Variants in NEDD8 observed in about 807,000 individuals in gnomAD.
NEDD8 encodes the protein NEDD8 ubiquitin like modifier.
NEDD8 carries 1 observed loss-of-function variant against 13.8 expected under a neutral mutation model. The ratio of observed to expected loss-of-function variants is 0.07; its 90% confidence interval spans 0.03 to 0.34. The LOEUF (loss-of-function observed/expected upper bound fraction) is 0.34, where lower values mean the gene tolerates loss of function less well. NEDD8 is among the 10% of genes least tolerant of loss of function. The probability of loss-of-function intolerance (pLI) is 0.99; values close to 1 mark genes in which losing one functional copy is unlikely to be tolerated. For synonymous variants in NEDD8, 31 were observed against 33.2 expected, an observed-to-expected ratio of 0.93 and a Z score of 0.23; for missense variants, 10 against 95.2, an observed-to-expected ratio of 0.10 and a Z score of 3.73.
chr14:24,220,702 A>G (rs2039792553), intron 1 of NEDD8, among the ~76,000 whole-genome samples: 1 of 152,240 alleles, frequency 6.6e-6, no homozygotes, highest in Non-Finnish European at 1.5e-5. Flanking sequence ...TTTATGAGAT[A>G]TGGACTATTA....
At chr14:24,228,953 AG>A (rs1346441921) in intron 1 of NEDD8, among the ~76,000 whole-genome samples, 2 of 152,156 alleles carry the variant, frequency 1.3e-5, no homozygotes, top group Non-Finnish European at 2.9e-5. Flanking sequence ...TGAAGGCAGA[AG>A]GGTGTTGCAG....
intron 1 of NEDD8, among the ~76,000 whole-genome samples, chr14:24,231,187 A>C (rs1004842805): frequency 2.0e-5 from 3 of 152,070 alleles, no homozygotes; most frequent in African/African-American, 4.8e-5. Context: ...CACCGCGCCC[A>C]GCCTATTTTC....
chr14:24,223,866 C>T (rs1013361601), intron 1 of NEDD8, among the ~76,000 whole-genome samples: 1 of 152,060 alleles, frequency 6.6e-6, no homozygotes, highest in Non-Finnish European at 1.5e-5. Flanking sequence ...TCCCAAGTAG[C>T]TGGGGTTACA....
chr14:24,219,475 CAAAAAAAAAAAAAAAAA>C (rs59964484), intron 1 of NEDD8, among the ~76,000 whole-genome samples: 1 of 33,368 alleles, frequency 3.0e-5, no homozygotes, highest in African/African-American at 1.2e-4. Context: ...AACACCCTCG[CAAAAAAAAAAAAAAAAA>C]AAAAAAAAAG....
rs2039720000 is a variant in NEDD8 at position 24,217,279 on chromosome 14, T to C, written c.150-56A>G. On this transcript the variant is annotated intron_variant, in intron 3 of 3. Coordinates refer to ENST00000250495, the MANE Select transcript of NEDD8 (RefSeq NM_006156.3). ...AAAAGAAGACTTAGGAGTTTTTTGTTGTTGTTGTTGTTGTTGTTGTTGTTG... is the reference window on the plus strand; with the variant it reads ...AAAAGAAGACTTAGGAGTTTTTTGTCGTTGTTGTTGTTGTTGTTGTTGTTG... The C allele has an allele frequency of 6.1e-6, 7 of 1,145,336 alleles. No individual in the cohort carries two copies. The South Asian group carries it at 1.1e-4, about 17-fold the overall frequency. 70.9% of individuals were successfully genotyped at this position (1,145,336 alleles called of 1,614,324 possible). A position where few individuals can be genotyped will look rare whatever the true frequency, so the allele number is the denominator to read the frequency against.
chr14:24,220,950 G>C (rs753176680), intron 1 of NEDD8, among the ~76,000 whole-genome samples: 3 of 152,116 alleles, frequency 2.0e-5, no homozygotes, highest in Admixed American at 2.0e-4. Flanking sequence ...CACGAAACAA[G>C]AACTCAGAAA....
rs191527499 is a variant in NEDD8 at position 24,217,011 on chromosome 14, A to T, written c.*116T>A. ...GATCCTCACAGTCTCCCACCAGTAGACATACATTACTGGGCATCCAGGGGA... is the reference window on the plus strand; with the variant it reads ...GATCCTCACAGTCTCCCACCAGTAGTCATACATTACTGGGCATCCAGGGGA... On this transcript the variant is annotated 3_prime_UTR_variant, in exon 4 of 4. Coordinates refer to ENST00000250495, the MANE Select transcript of NEDD8 (RefSeq NM_006156.3). 8.9e-4 allele frequency: 709 copies of T among 794,960 alleles called. 4 individuals carry two copies. The highest frequency in any genetic ancestry group is 6.6e-4 in the Non-Finnish European group (324 of 491,452). The allele number at this position is 794,960 out of a possible 1,614,324, so 49.2% of individuals were successfully genotyped here.
intron 1 of NEDD8, among the ~76,000 whole-genome samples, chr14:24,230,151 CCT>C (rs10573934): frequency 0.085 from 12,596 of 147,874 alleles, 1,578 homozygotes; most frequent in African/African-American, 0.28. Flanking sequence ...AGTAACACCC[CCT>C]GTGTAATATA....
At chr14:24,230,771 C>T (rs1247611769) in intron 1 of NEDD8, among the ~76,000 whole-genome samples, 5 of 151,876 alleles carry the variant, frequency 3.3e-5, no homozygotes, top group African/African-American at 1.2e-4. Context: ...GCGCCCACCA[C>T]CACGCCCGGC....
intron 1 of NEDD8, among the ~76,000 whole-genome samples, chr14:24,219,821 C>T (rs1209012906): frequency 6.6e-6 from 1 of 152,096 alleles, no homozygotes; most frequent in Non-Finnish European, 1.5e-5. Flanking sequence ...CCTTCTTCTC[C>T]AAACTTCAAG....
chr14:24,216,977 G>C lies in NEDD8; in HGVS notation c.*150C>G. 1 of 667,112 alleles carries C rather than the reference G, an allele frequency of 1.5e-6. No homozygotes were observed. The highest frequency in any genetic ancestry group is 2.6e-6 in the Non-Finnish European group (1 of 391,596). 41.3% of individuals were successfully genotyped at this position (667,112 alleles called of 1,614,324 possible). A position where few individuals can be genotyped will look rare whatever the true frequency, so the allele number is the denominator to read the frequency against. ...AAGGGCCCTCTGGGCCAGGAATACT[G>C]AATCCTGGGATCCTCACAGTCTCCC... On this transcript the variant is annotated 3_prime_UTR_variant, in exon 4 of 4. Coordinates refer to ENST00000250495, the MANE Select transcript of NEDD8 (RefSeq NM_006156.3).
intron 1 of NEDD8, among the ~76,000 whole-genome samples, chr14:24,221,287 CTTTTTTT>C (rs35302229): frequency 2.1e-5 from 3 of 140,314 alleles, no homozygotes; most frequent in Admixed American, 1.4e-4. Flanking sequence ...ATTTCACTTT[CTTTTTTT>C]TTTTTTTTGA....
intron 1 of NEDD8, among the ~76,000 whole-genome samples, chr14:24,223,839 A>G (rs987623136): frequency 1.3e-5 from 2 of 151,890 alleles, no homozygotes; most frequent in African/African-American, 4.8e-5. Flanking sequence ...GGCTCAAGCA[A>G]TTCTCCTGCC....
chr14:24,227,756 T>C (rs1353549475), intron 1 of NEDD8: 2 of 152,188 alleles, frequency 1.3e-5, no homozygotes, highest in Admixed American at 6.5e-5. Flanking sequence ...TAAAATCTTA[T>C]AGAAAAATAT....
At chr14:24,221,436 C>T (rs1419481043) in intron 1 of NEDD8, among the ~76,000 whole-genome samples, 4 of 151,828 alleles carry the variant, frequency 2.6e-5, no homozygotes, top group African/African-American at 9.7e-5. Flanking sequence ...GGCACCACCA[C>T]GCCTGACTAC....
intron 1 of NEDD8, among the ~76,000 whole-genome samples, chr14:24,225,572 G>A (rs1436934993): frequency 1.3e-5 from 2 of 152,186 alleles, no homozygotes; most frequent in Admixed American, 1.3e-4. Context: ...GATTGGCTAT[G>A]AGATGATAAT....
chr14:24,220,709 AT>A (rs1225491623), intron 1 of NEDD8, among the ~76,000 whole-genome samples: 4 of 152,198 alleles, frequency 2.6e-5, no homozygotes, highest in Non-Finnish European at 5.9e-5. Flanking sequence ...GATATGGACT[AT>A]TACTATTTCC....
intron 3 of NEDD8, 55 bp from the exon 4 acceptor site, chr14:24,217,278 T>C: frequency 9.6e-6 from 10 of 1,040,666 alleles, no homozygotes; most frequent in Non-Finnish European, 1.2e-5. Flanking sequence ...GAGTTTTTTG[T>C]TGTTGTTGTT....
At chr14:24,220,729 G>A (rs1303229590) in intron 1 of NEDD8, among the ~76,000 whole-genome samples, 1 of 152,166 alleles carries the variant, frequency 6.6e-6, no homozygotes, top group Non-Finnish European at 1.5e-5. Context: ...CCATTTTATA[G>A]ATGAGAAAAA....
Sources: allele counts gnomAD v4.1 joint callset (sites outside exome capture counted in the v4.1 genomes callset), GRCh38; gene constraint gnomAD v4.1.1; transcripts MANE v1.5; gene names NCBI Gene and HGNC (gene_info 2026-07-23, HGNC 2026-07-21).